Variants in GMDS observed in about 807,000 individuals in gnomAD.
GMDS encodes GDP-mannose 4,6 dehydratase.
In GMDS, 20 loss-of-function variants were observed where a neutral mutation model predicts 49.9. That is an observed-to-expected ratio of 0.40 (90% confidence interval 0.28 to 0.58). The LOEUF (loss-of-function observed/expected upper bound fraction) is 0.58. GMDS is among the 20% of genes least tolerant of loss of function. GMDS has a pLI of 0.42. For missense variants in GMDS, 362 were observed against 481.4 expected, an observed-to-expected ratio of 0.75 and a Z score of 2.32; for synonymous variants, 177 against 178.6, an observed-to-expected ratio of 0.99 and a Z score of 0.07.
chr6:1,637,867 T>C (rs1364939285), intron 9 of GMDS, among the ~76,000 whole-genome samples: 1 of 152,228 alleles, frequency 6.6e-6, no homozygotes, highest in Non-Finnish European at 1.5e-5. Context: ...ACGGCGGTGC[T>C]GGTAAGTGGG....
Position 1,905,895 on chromosome 6 carries a change from G to GTA in GMDS, c.771+24207_771+24208insTA, listed in dbSNP as rs1760748975. 1.5e-3 allele frequency among the ~76,000 whole-genome samples: 107 copies of GTA among 73,444 alleles called. 10 individuals carry two copies. Among genetic ancestry groups the GTA allele is most frequent in the Middle Eastern group, 0.014 (2 of 144 alleles). 48.2% of individuals were successfully genotyped at this position (73,444 alleles called of 152,430 possible). A position where few individuals can be genotyped will look rare whatever the true frequency, so the allele number is the denominator to read the frequency against. ...CTGGCATGTGACAATAACCCCATAG[G>GTA]CCATCTGGGAACACGTATGCAGGTG... On this transcript the variant is annotated intron_variant, in intron 7 of 10. Transcript: ENST00000380815.
chr6:2,203,713 A>G (rs1417269599), intron 1 of GMDS, among the ~76,000 whole-genome samples: 1 of 152,260 alleles, frequency 6.6e-6, no homozygotes, highest in African/African-American at 2.4e-5. Context: ...AAGAAATATA[A>G]GTAGTTTACG....
chr6:1,965,021 A>G (rs568805720), intron 4 of GMDS, among the ~76,000 whole-genome samples: 4,436 of 151,300 alleles, frequency 0.029, 220 homozygotes, highest in African/African-American at 0.1. Flanking sequence ...TTATGGCTGC[A>G]TAGTATTCCA....
intron 6 of GMDS, among the ~76,000 whole-genome samples, chr6:1,945,691 C>T (rs943667685): frequency 4.6e-5 from 7 of 152,158 alleles, no homozygotes; most frequent in Non-Finnish European, 7.3e-5. Context: ...AGGAAGATTG[C>T]TTAAGCCTAG....
intron 4 of GMDS, among the ~76,000 whole-genome samples, chr6:1,989,129 A>G (rs1765760555): frequency 6.6e-6 from 1 of 152,236 alleles, no homozygotes; most frequent in South Asian, 2.1e-4. Context: ...GTGGAAGGTC[A>G]TGGGGGTATG....
intron 1 of GMDS, among the ~76,000 whole-genome samples, chr6:2,226,334 A>G (rs1780812382): frequency 6.6e-6 from 1 of 152,224 alleles, no homozygotes. Flanking sequence ...TCAGAGCTGT[A>G]GGAGACCTGT....
At chr6:1,656,353 T>C (rs1242230804) in intron 9 of GMDS, among the ~76,000 whole-genome samples, 1 of 152,178 alleles carries the variant, frequency 6.6e-6, no homozygotes, top group East Asian at 1.9e-4. Flanking sequence ...AGATTTGCCA[T>C]CACAAATTCA....
At chr6:2,126,059 T>C (rs1775415722) in intron 1 of GMDS, among the ~76,000 whole-genome samples, 1 of 152,190 alleles carries the variant, frequency 6.6e-6, no homozygotes. Flanking sequence ...GGGTCTTCAT[T>C]TGACCTAAAA....
chr6:1,692,018 G>T (rs1446416333), intron 9 of GMDS, among the ~76,000 whole-genome samples: 1 of 152,138 alleles, frequency 6.6e-6, no homozygotes, highest in Non-Finnish European at 1.5e-5. Context: ...CCTCAGTCTG[G>T]GTGGTCAGCA....
intron 1 of GMDS, among the ~76,000 whole-genome samples, chr6:2,201,687 G>A (rs35612628): frequency 8.9e-6 from 1 of 111,780 alleles, no homozygotes; most frequent in Non-Finnish European, 1.9e-5. Flanking sequence ...TGAAGAGAGA[G>A]CACCACATGG....
chr6:1,644,847 G>A (rs1763438199), intron 9 of GMDS, among the ~76,000 whole-genome samples: 1 of 152,158 alleles, frequency 6.6e-6, no homozygotes, highest in African/African-American at 2.4e-5. Flanking sequence ...TGCAGATGAG[G>A]AAGCTGAGGC....
chr6:1,753,744 C>T (rs1234392328), intron 7 of GMDS, among the ~76,000 whole-genome samples: 1 of 152,160 alleles, frequency 6.6e-6, no homozygotes, highest in Non-Finnish European at 1.5e-5. Context: ...CAAAACCACA[C>T]AAATATATGG....
chr6:1,652,900 G>A (rs2113223268), intron 9 of GMDS, among the ~76,000 whole-genome samples: 1 of 144,706 alleles, frequency 6.9e-6, no homozygotes, highest in South Asian at 2.1e-4. Context: ...GTGCTTGCTG[G>A]CCTTCTTCCT....
chr6:1,746,851 G>A (rs925234557), intron 7 of GMDS, among the ~76,000 whole-genome samples: 7 of 151,862 alleles, frequency 4.6e-5, no homozygotes, highest in African/African-American at 7.3e-5. Flanking sequence ...ATAGTTGTGC[G>A]CCACCATACC....
intron 7 of GMDS, among the ~76,000 whole-genome samples, chr6:1,747,473 CGCTCATGCGTGT>C (rs1028202156): frequency 3.0e-3 from 15 of 5,048 alleles, no homozygotes; most frequent in Non-Finnish European, 5.7e-3. Flanking sequence ...CACACACACA[CGCTCATGCGTGT>C]GCGCGCACAC....
In GMDS at chr6:1,762,263, T is replaced by A. The variant is rs555752564; in HGVS notation, c.772-19677A>T. On this transcript the variant is annotated intron_variant, in intron 7 of 10. Transcript: ENST00000380815. ...CGGATGTGGTTTTCAATTCTGTTTT[T>A]TCCCTCCCTAACACTAATTATCCTG... Among the ~76,000 whole-genome samples the A allele has an allele frequency of 2.0e-5, 3 of 152,358 alleles. No homozygotes were observed. In the East Asian group the frequency reaches 5.8e-4, roughly 29 times the overall value.
At chr6:2,044,688 C>G (rs377428385) in intron 4 of GMDS, among the ~76,000 whole-genome samples, 1 of 152,216 alleles carries the variant, frequency 6.6e-6, no homozygotes, top group African/African-American at 2.4e-5. Context: ...TATAACAAAC[C>G]TGCACGTGTA....
chr6:2,219,552 AACTGAAGGTGAGTT>A (rs1041573579), intron 1 of GMDS, among the ~76,000 whole-genome samples: 1 of 152,182 alleles, frequency 6.6e-6, no homozygotes, highest in Admixed American at 6.5e-5. Flanking sequence ...TGTAAAATAC[AACTGAAGGTGAGTT>A]ACTAAAAAAA....
At chr6:2,015,801 C>T (rs1319733609) in intron 4 of GMDS, among the ~76,000 whole-genome samples, 3 of 152,138 alleles carry the variant, frequency 2.0e-5, no homozygotes, top group Non-Finnish European at 4.4e-5. Flanking sequence ...ATTTATCATG[C>T]AATGTGGCCC....
Sources: allele counts gnomAD v4.1 joint callset (sites outside exome capture counted in the v4.1 genomes callset), GRCh38; gene constraint gnomAD v4.1.1; transcripts MANE v1.5; gene names NCBI Gene and HGNC (gene_info 2026-07-23, HGNC 2026-07-21).